Variants in FHIT observed in about 807,000 individuals in gnomAD.
The protein encoded by FHIT is bis(5'-adenosyl)-triphosphatase.
Under a neutral mutation model 17.9 loss-of-function variants are expected in FHIT, and 19 were observed. The observed-to-expected ratio is 1.06, with a 90% CI of 0.74 to 1.56. The LOEUF is 1.56. FHIT is among the 40% of genes most tolerant of loss of function. The pLI, the probability that FHIT is intolerant of heterozygous loss-of-function variation, is 0.00. For synonymous variants in FHIT, 81 were observed against 69.7 expected (o/e 1.16, Z -0.81); for missense variants, 248 against 189.2 (o/e 1.31, Z -1.82).
At chr3:60,985,439 G>A (rs1710680260) in intron 3 of FHIT, among the ~76,000 whole-genome samples, 1 of 152,006 alleles carries the variant, frequency 6.6e-6, no homozygotes, top group African/African-American at 2.4e-5. Flanking sequence ...AAATTTCATG[G>A]GTTCTGTGGT....
chr3:60,606,660 A>G (rs781887927), intron 4 of FHIT, among the ~76,000 whole-genome samples: 30 of 152,162 alleles, frequency 2.0e-4, no homozygotes, highest in Non-Finnish European at 3.5e-4. Flanking sequence ...GACTTCTGGT[A>G]TATTTTCTGC....
chr3:60,953,445 A>T (rs916681298), intron 3 of FHIT, among the ~76,000 whole-genome samples: 3 of 81,036 alleles, frequency 3.7e-5, no homozygotes, highest in Non-Finnish European at 5.6e-5. Context: ...ATCCTACTTA[A>T]AAAAAAAAGT....
At chr3:60,197,885 T>G (rs1192296506) in intron 5 of FHIT, among the ~76,000 whole-genome samples, 1 of 152,170 alleles carries the variant, frequency 6.6e-6, no homozygotes, top group African/African-American at 2.4e-5. Flanking sequence ...ACAGCAGCTT[T>G]GTAACTTCAC....
chr3:60,191,172 C>T (rs1702386953), intron 5 of FHIT, among the ~76,000 whole-genome samples: 1 of 152,038 alleles, frequency 6.6e-6, no homozygotes. Flanking sequence ...ATCAAGAAAA[C>T]AGCACAGTGG....
At chr3:60,771,879 T>G (rs1700054559) in intron 4 of FHIT, among the ~76,000 whole-genome samples, 1 of 152,206 alleles carries the variant, frequency 6.6e-6, no homozygotes, top group African/African-American at 2.4e-5. Context: ...CATTCTCTTC[T>G]TCAAGAATTT....
intron 5 of FHIT, among the ~76,000 whole-genome samples, chr3:60,031,004 T>A (rs1700975818): frequency 6.6e-6 from 1 of 152,180 alleles, no homozygotes; most frequent in African/African-American, 2.4e-5. Flanking sequence ...AAATGAGAAT[T>A]CTTCCAATGG....
intron 4 of FHIT, among the ~76,000 whole-genome samples, chr3:60,789,079 A>G (rs981708390): frequency 8.6e-5 from 13 of 151,344 alleles, no homozygotes; most frequent in African/African-American, 3.2e-4. Context: ...ATATACATAT[A>G]TAGAGAGAGA....
intron 2 of FHIT, among the ~76,000 whole-genome samples, chr3:61,195,848 G>A (rs1020762010): frequency 2.0e-5 from 3 of 152,108 alleles, no homozygotes; most frequent in Non-Finnish European, 4.4e-5. Context: ...CTATGAAATT[G>A]ACATGCTATT....
At chr3:60,512,617 A>G (rs943885067) in intron 5 of FHIT, among the ~76,000 whole-genome samples, 7 of 152,252 alleles carry the variant, frequency 4.6e-5, no homozygotes, top group South Asian at 2.1e-4. Flanking sequence ...GCAGTCATCA[A>G]CTAACCAAAT....
At chr3:60,124,017 G>T (rs1393497443) in intron 5 of FHIT, among the ~76,000 whole-genome samples, 145 of 62,766 alleles carry the variant, frequency 2.3e-3, no homozygotes, top group East Asian at 2.8e-3. Flanking sequence ...TATAGAGAGA[G>T]AGAGAGAGAG....
chr3:60,225,877 C>A (rs1704174296), intron 5 of FHIT, among the ~76,000 whole-genome samples: 1 of 152,128 alleles, frequency 6.6e-6, no homozygotes, highest in South Asian at 2.1e-4. Flanking sequence ...ATCTACAGAA[C>A]TGCAGAGGAC....
At chr3:59,907,147 T>A (rs1056856654) in intron 8 of FHIT, among the ~76,000 whole-genome samples, 2 of 152,212 alleles carry the variant, frequency 1.3e-5, no homozygotes, top group African/African-American at 4.8e-5. Context: ...GGACAGGAGT[T>A]GAACCTCGAT....
chr3:60,744,924 G>A (rs961374), intron 4 of FHIT, among the ~76,000 whole-genome samples: 9,447 of 152,192 alleles, frequency 0.062, 656 homozygotes, highest in East Asian at 0.39. Flanking sequence ...ATATCAAGGT[G>A]AGTCAAAACA....
intron 4 of FHIT, among the ~76,000 whole-genome samples, chr3:60,798,877 C>A (rs896640773): frequency 2.0e-5 from 3 of 150,110 alleles, no homozygotes; most frequent in African/African-American, 4.9e-5. Context: ...TGTGCATCAG[C>A]CTCCCAAGTA....
intron 2 of FHIT, among the ~76,000 whole-genome samples, chr3:61,085,098 C>T (rs1243242050): frequency 2.0e-5 from 3 of 152,146 alleles, no homozygotes; most frequent in African/African-American, 7.2e-5. Context: ...GGGACCATTA[C>T]AAACAACATT....
intron 5 of FHIT, among the ~76,000 whole-genome samples, chr3:60,133,731 C>T (rs1044814665): frequency 5.9e-5 from 9 of 151,536 alleles, no homozygotes; most frequent in Non-Finnish European, 1.2e-4. Context: ...GCCAGAGCTC[C>T]TCCTGACTTT....
chr3:60,503,540 A>C (rs971935483), intron 5 of FHIT, among the ~76,000 whole-genome samples: 1 of 152,160 alleles, frequency 6.6e-6, no homozygotes, highest in Non-Finnish European at 1.5e-5. Flanking sequence ...ATGTATGGGC[A>C]CATACATTTT....
chr3:60,308,464 T>C (rs889335645), intron 5 of FHIT, among the ~76,000 whole-genome samples: 3 of 146,780 alleles, frequency 2.0e-5, no homozygotes, highest in Admixed American at 7.0e-5. Context: ...CTCTACCAAA[T>C]TGCACGTATA....
At chr3:60,129,109 G>C (rs1699406767) in intron 5 of FHIT, among the ~76,000 whole-genome samples, 1 of 135,790 alleles carries the variant, frequency 7.4e-6, no homozygotes, top group Admixed American at 8.2e-5. Flanking sequence ...CTGGAGTGCA[G>C]TGGCGCAATC....
Sources: gnomAD v4.1 joint callset for allele counts (sites outside exome capture counted in the v4.1 genomes callset) on GRCh38, gnomAD v4.1.1 for gene constraint, MANE v1.5 for transcripts, NCBI Gene and HGNC (gene_info 2026-07-23, HGNC 2026-07-21) for gene names.